The following HNRNPK variants were observed in gnomAD, a reference collection of about 807,000 sequenced individuals.
HNRNPK encodes the protein dC-stretch binding protein.
In HNRNPK, 7 loss-of-function variants were observed where a neutral mutation model predicts 67.0. The observed-to-expected ratio is 0.10, with a 90% confidence interval of 0.06 to 0.20. The LOEUF (loss-of-function observed/expected upper bound fraction) is 0.20, where lower values mean the gene tolerates loss of function less well. Ranked by LOEUF, HNRNPK falls within the 10% of genes least tolerant of loss-of-function variation. The pLI, the probability that HNRNPK is intolerant of heterozygous loss-of-function variation, is 1.00. For synonymous variants in HNRNPK, 213 were observed against 193.7 expected (o/e 1.10, Z -0.83); for missense variants, 264 against 606.5 (o/e 0.44, Z 5.93).
At chr9:83,969,648 A>G in intron 16 of HNRNPK, 1 of 616,140 alleles carries the variant, frequency 1.6e-6, no homozygotes, top group Non-Finnish European at 2.9e-6. Context: ...GTAGAACAGA[A>G]TTAAGAAAAC....
At chr9:83,970,987 T>C (rs1956807541) in intron 13 of HNRNPK, 75 bp from the exon 14 acceptor site, 1 of 1,438,818 alleles carries the variant, frequency 7.0e-7, no homozygotes, top group African/African-American at 1.4e-5. Flanking sequence ...AAAATTCATT[T>C]AATAAAATGG....
Position 83,970,407 on chromosome 9 carries a change from AGTT to A in HNRNPK, c.1192-79_1192-77del. Reference sequence around the variant, plus strand: ...CTACCTGTATTTTCAAGGAGCATGAAGTTATTAATTTTATTCATTCAGAATCTT... The same window carrying A: ...CTACCTGTATTTTCAAGGAGCATGAAATTAATTTTATTCATTCAGAATCTT... On this transcript the variant is annotated intron_variant, in intron 15 of 16. Coordinates refer to ENST00000376263, the MANE Select transcript of HNRNPK (RefSeq NM_031263.4). The A allele has an allele frequency of 1.0e-5, 12 of 1,166,852 alleles. No homozygotes were observed. The South Asian group carries it at 1.8e-4, about 17-fold the overall frequency. The allele number at this position is 1,166,852 out of a possible 1,614,324, so 72.3% of individuals were successfully genotyped here. A position where few individuals can be genotyped will look rare whatever the true frequency, so the allele number is the denominator to read the frequency against.
In HNRNPK at chr9:83,976,998, T is replaced by G. The variant is rs1453246130; in HGVS notation, c.210A>C (p.Thr70=). ...AGTTTAAACTCTTAATACTTACGTC[T>G]GTACGGAGAGCCTTAATATTCTTGC... The part of the protein sequence containing the change: ...KGGKNIKALR[T]DYNASVSVPD... Residue 70 remains threonine (T), a synonymous_variant, in exon 5 of 17, where the codon ACA becomes ACC. Coordinates refer to ENST00000376263, the MANE Select transcript of HNRNPK (RefSeq NM_031263.4). 1.2e-6 allele frequency: 2 copies of G among 1,600,784 alleles called. No individual in the cohort carries two copies. Among genetic ancestry groups the G allele is most frequent in the East Asian group, 4.5e-5 (2 of 44,784 alleles).
At chr9:83,979,431 C>A (rs12002509) in intron 1 of HNRNPK, among the ~76,000 whole-genome samples, 1 of 152,240 alleles carries the variant, frequency 6.6e-6, no homozygotes, top group Non-Finnish European at 1.5e-5. Flanking sequence ...TTGCCGTTCA[C>A]CCTTCGGGTC....
chr9:83,970,618 AC>A, intron 15 of HNRNPK, 118 bp downstream of exon 15: 1 of 751,142 alleles, frequency 1.3e-6, no homozygotes, highest in Non-Finnish European at 2.2e-6. Flanking sequence ...AAGCCCATTA[AC>A]ATAACCTCAA....
At chr9:83,970,129 T>A in intron 16 of HNRNPK, 33 bp downstream of exon 16, 6 of 1,565,194 alleles carry the variant, frequency 3.8e-6, no homozygotes, top group Non-Finnish European at 5.2e-6. Context: ...TTTTAGTATG[T>A]ATAAGCTAAC....
chr9:83,978,157 G>T, intron 3 of HNRNPK, 38 bp downstream of exon 3: 2 of 1,314,618 alleles, frequency 1.5e-6, no homozygotes, highest in South Asian at 1.2e-5. Flanking sequence ...TTATTAACAG[G>T]ATAAAAAAAT....
intron 12 of HNRNPK, 134 bp from the exon 13 acceptor site, chr9:83,971,490 G>A (rs1238287814): frequency 1.2e-6 from 1 of 802,676 alleles, no homozygotes; most frequent in Admixed American, 2.1e-5. Context: ...TAATCGAGGG[G>A]AACAAAGCTC....
chr9:83,976,723 T>A (rs1957079521), intron 5 of HNRNPK: 1 of 303,882 alleles, frequency 3.3e-6, no homozygotes, highest in African/African-American at 2.2e-5. Flanking sequence ...TATTTCTAAT[T>A]AAGATGTTAT....
chr9:83,969,280 A>G lies in HNRNPK; in HGVS notation c.*127T>C, dbSNP rs1266157945. The stretch of plus-strand genomic sequence containing the variant: ...ATGCAGAACACCTATGAAGCAGAGG[A>G]ATGTTGGCTTTTTAAACAGAAGCAG... On this transcript the variant is annotated 3_prime_UTR_variant, in exon 17 of 17. Coordinates refer to ENST00000376263, the MANE Select transcript of HNRNPK (RefSeq NM_031263.4). The G allele has an allele frequency of 1.3e-6, 1 of 745,988 alleles. No individual in the cohort carries two copies. The highest frequency in any genetic ancestry group is 2.4e-6 in the Non-Finnish European group (1 of 413,346). The allele number at this position is 745,988 out of a possible 1,614,324, so 46.2% of individuals were successfully genotyped here.
intron 9 of HNRNPK, 92 bp from the exon 10 acceptor site, chr9:83,973,064 A>AC (rs140053931): frequency 2.0e-5 from 18 of 913,006 alleles, no homozygotes; most frequent in South Asian, 1.4e-4. Flanking sequence ...TCAACAATTA[A>AC]CCCCCCACAA....
In HNRNPK at chr9:83,969,446, AAAG is replaced by A. The variant is rs1554697221; in HGVS notation, c.1362-9_1362-7del. On this transcript the variant is annotated splice_polypyrimidine_tract_variant and splice_region_variant and intron_variant, in intron 16 of 16. Coordinates refer to ENST00000376263, the MANE Select transcript of HNRNPK (RefSeq NM_031263.4). ...CATCTGCATACTGCTTCACACTATA[AAAG>A]AAAAGAAAAAAAAGTGCGAATTAGA... 2 of 1,564,192 alleles carry A rather than the reference AAAG, an allele frequency of 1.3e-6. No individual in the cohort carries two copies. Among genetic ancestry groups the A allele is most frequent in the Non-Finnish European group, 1.7e-6 (2 of 1,148,840 alleles).
Position 83,971,730 on chromosome 9 carries a change from C to CA in HNRNPK, c.954-5dup, listed in dbSNP as rs775593552. On this transcript the variant is annotated splice_region_variant and splice_polypyrimidine_tract_variant and intron_variant, in intron 11 of 16. Coordinates refer to ENST00000376263, the MANE Select transcript of HNRNPK (RefSeq NM_031263.4). The stretch of plus-strand genomic sequence containing the variant: ...TCTGTCATAGGCCATGAGGTCTCTG[C>CA]AAGCATAGTACTTGTTGTAATCTAA... 6.2e-7 allele frequency: 1 copy of CA among 1,613,360 alleles called. No homozygotes were observed. Among genetic ancestry groups the CA allele is most frequent in the Non-Finnish European group, 8.5e-7 (1 of 1,179,302 alleles).
chr9:83,977,664 A>T (rs768969321), intron 4 of HNRNPK, 25 bp downstream of exon 4: 47 of 1,459,892 alleles, frequency 3.2e-5, no homozygotes, highest in Non-Finnish European at 4.5e-5. Context: ...AACCACCTTC[A>T]AATTTTCAAG....
At chr9:83,972,769 T>C in intron 10 of HNRNPK, 75 bp downstream of exon 10, 2 of 1,154,968 alleles carry the variant, frequency 1.7e-6, no homozygotes, top group Admixed American at 4.6e-5. Context: ...GACTAAATGC[T>C]CTGAAGCTAC....
Position 83,969,433 on chromosome 9 carries a change from G to A in HNRNPK, c.1369C>T (p.Gln457Ter). 6.3e-7 allele frequency: 1 copy of A among 1,584,320 alleles called. No homozygotes were observed. The change falls in exon 17 of 17, where the codon CAG becomes TAG. Residue 457 changes from glutamine to a stop codon, truncating the protein, a stop_gained. Transcript: ENST00000376263. LOFTEE classifies it high-confidence loss of function. ...TAGAATCCTTCAACATCTGCATACT[G>A]CTTCACACTATAAAAGAAAAGAAAA... is the stretch of plus-strand genomic sequence containing the variant. ...AQYLLQNSVK[Q>*]YADVEGF
intron 4 of HNRNPK, 144 bp downstream of exon 4, chr9:83,977,545 C>CAG: frequency 1.7e-6 from 1 of 572,906 alleles, no homozygotes; most frequent in Non-Finnish European, 3.0e-6. Context: ...AGAAAACCAC[C>CAG]AGAGCCTTCA....
In HNRNPK at chr9:83,977,623, C is replaced by T. The variant is rs535274341; in HGVS notation, c.156+66G>A. On this transcript the variant is annotated intron_variant, in intron 4 of 16. Coordinates refer to ENST00000376263, the MANE Select transcript of HNRNPK (RefSeq NM_031263.4). ...GTAAAACTTTGACTTTCTAGAAAGC[C>T]AAACCAGACCTTAATTTCTACCTGA... The T allele has an allele frequency of 3.2e-5, 30 of 946,710 alleles. No homozygotes were observed. The South Asian group carries it at 3.9e-4, about 12-fold the overall frequency. 58.6% of individuals were successfully genotyped at this position (946,710 alleles called of 1,614,324 possible).
chr9:83,976,173 A>C (rs1392099620), intron 5 of HNRNPK, among the ~76,000 whole-genome samples: 3 of 152,232 alleles, frequency 2.0e-5, no homozygotes, highest in Non-Finnish European at 4.4e-5. Context: ...GTAAAATTTT[A>C]AACAAATTTT....
Sources: allele counts gnomAD v4.1 joint callset (sites outside exome capture counted in the v4.1 genomes callset), GRCh38; gene constraint gnomAD v4.1.1; transcripts MANE v1.5; gene names NCBI Gene and HGNC (gene_info 2026-07-23, HGNC 2026-07-21).